The following FGGY variants were observed in gnomAD, a reference collection of about 807,000 sequenced individuals.
The protein encoded by FGGY is FGGY carbohydrate kinase domain containing.
Under a neutral mutation model 71.3 loss-of-function variants are expected in FGGY, and 72 were observed. The observed-to-expected ratio is 1.01, with a 90% confidence interval of 0.84 to 1.23. The LOEUF (loss-of-function observed/expected upper bound fraction) is 1.23. FGGY is among the 50% of genes most tolerant of loss of function. The pLI is 0.00. For missense variants in FGGY, 668 were observed against 682.3 expected (o/e 0.98, Z 0.23); for synonymous variants, 251 against 250.3 (o/e 1.00, Z -0.02).
intron 5 of FGGY, among the ~76,000 whole-genome samples, chr1:59,394,580 A>G (rs1006468783): frequency 1.3e-5 from 2 of 152,166 alleles, no homozygotes; most frequent in Non-Finnish European, 2.9e-5. Context: ...AGGACTCAAC[A>G]TTAGCTATTC....
Position 59,592,439 on chromosome 1 carries a change from A to T in FGGY, c.904-15364A>T, listed in dbSNP as rs1273032348. On this transcript the variant is annotated intron_variant, in intron 8 of 15. Transcript: ENST00000303721. ...ACCCAGCCATCCCATTACTGGGTATATACCCAAAGGACTATAAATCATGCT... is the reference window on the plus strand; with the variant it reads ...ACCCAGCCATCCCATTACTGGGTATTTACCCAAAGGACTATAAATCATGCT... Among the ~76,000 whole-genome samples the T allele has an allele frequency of 2.6e-5, 4 of 152,312 alleles. No homozygotes were observed. In the East Asian group the frequency reaches 7.7e-4, roughly 29 times the overall value.
intron 7 of FGGY, among the ~76,000 whole-genome samples, chr1:59,536,864 T>C (rs949803252): frequency 1.3e-5 from 2 of 152,092 alleles, no homozygotes; most frequent in Non-Finnish European, 2.9e-5. Flanking sequence ...ATAAGAGCTA[T>C]TTATGACAAA....
chr1:59,321,056 A>G (rs1303098882), intron 1 of FGGY, among the ~76,000 whole-genome samples: 2 of 152,228 alleles, frequency 1.3e-5, no homozygotes, highest in African/African-American at 2.4e-5. Context: ...AGTAAAGGGG[A>G]CATAAGCACT....
At chr1:59,715,484 C>G (rs748822499) in intron 14 of FGGY, among the ~76,000 whole-genome samples, 13 of 152,198 alleles carry the variant, frequency 8.5e-5, no homozygotes, top group Non-Finnish European at 8.8e-5. Context: ...CTTGGTTCCC[C>G]TTGGGTCAAT....
At chr1:59,463,657 A>G (rs1397292739) in intron 6 of FGGY, among the ~76,000 whole-genome samples, 4 of 148,174 alleles carry the variant, frequency 2.7e-5, no homozygotes, top group African/African-American at 7.5e-5. Context: ...AAATAAAGGG[A>G]TGGAGGAAGA....
intron 9 of FGGY, among the ~76,000 whole-genome samples, chr1:59,611,341 C>T (rs1558538033): frequency 6.6e-6 from 1 of 152,284 alleles, no homozygotes; most frequent in East Asian, 1.9e-4. Context: ...CAGGCAGCAA[C>T]ATTTCTGCAA....
chr1:59,526,542 G>A (rs66500198), intron 7 of FGGY, among the ~76,000 whole-genome samples: 7,904 of 152,242 alleles, frequency 0.052, 302 homozygotes, highest in African/African-American at 0.1. Flanking sequence ...GCTTTTCCAG[G>A]CGGTGTAAAA....
chr1:59,605,166 T>A (rs2096612178), intron 8 of FGGY, among the ~76,000 whole-genome samples: 1 of 152,232 alleles, frequency 6.6e-6, no homozygotes, highest in Non-Finnish European at 1.5e-5. Context: ...CTAGACTGAA[T>A]TAGGTACCTC....
intron 5 of FGGY, among the ~76,000 whole-genome samples, chr1:59,384,223 T>G (rs2153358293): frequency 6.6e-6 from 1 of 152,088 alleles, no homozygotes; most frequent in African/African-American, 2.4e-5. Flanking sequence ...ATCATCCCGT[T>G]CCCCCACCCA....
chr1:59,724,836 T>C (rs1174195290), intron 14 of FGGY, among the ~76,000 whole-genome samples: 1 of 152,226 alleles, frequency 6.6e-6, no homozygotes, highest in Non-Finnish European at 1.5e-5. Flanking sequence ...GCTTGTTTAC[T>C]TATTGTTGAA....
At chr1:59,656,874 G>C (rs1381092714) in intron 11 of FGGY, among the ~76,000 whole-genome samples, 1 of 152,134 alleles carries the variant, frequency 6.6e-6, no homozygotes, top group Non-Finnish European at 1.5e-5. Flanking sequence ...AGCAAGCTCA[G>C]GATTTAAATT....
chr1:59,492,755 C>T (rs938769777), intron 6 of FGGY, among the ~76,000 whole-genome samples: 4 of 152,086 alleles, frequency 2.6e-5, no homozygotes, highest in Non-Finnish European at 5.9e-5. Flanking sequence ...CAAGTCAGTA[C>T]TGAGTCTGCC....
intron 6 of FGGY, among the ~76,000 whole-genome samples, chr1:59,480,623 A>T (rs559619284): frequency 6.6e-6 from 1 of 152,306 alleles, no homozygotes; most frequent in Non-Finnish European, 1.5e-5. Context: ...GAGGAGGGGC[A>T]CTAGGTAAGC....
In FGGY at chr1:59,736,779, G is replaced by A. The variant is rs186334726; in HGVS notation, c.1513-21152G>A. 6.6e-5 allele frequency among the ~76,000 whole-genome samples: 10 copies of A among 152,308 alleles called. No homozygotes were observed. The East Asian group carries it at 1.5e-3, about 23-fold the overall frequency. On this transcript the variant is annotated intron_variant, in intron 14 of 15. Transcript: ENST00000303721. ...ACAATGCAATAGAAAAGAAAACCTCGTTTTCTGAGGAGGAAGTCAAGCCAG... is the reference window on the plus strand; with the variant it reads ...ACAATGCAATAGAAAAGAAAACCTCATTTTCTGAGGAGGAAGTCAAGCCAG...
intron 12 of FGGY, among the ~76,000 whole-genome samples, chr1:59,661,691 GTGTTTTGTTTT>G (rs1290647852): frequency 6.9e-6 from 1 of 144,802 alleles, no homozygotes; most frequent in East Asian, 2.1e-4. Flanking sequence ...AATTAAGAGG[GTGTTTTGTTTT>G]TGTTTTTGTT....
At chr1:59,586,325 C>A (rs1383498874) in intron 8 of FGGY, among the ~76,000 whole-genome samples, 2 of 152,150 alleles carry the variant, frequency 1.3e-5, no homozygotes, top group Non-Finnish European at 2.9e-5. Flanking sequence ...GAATACTATG[C>A]AGCCATAAAA....
intron 8 of FGGY, among the ~76,000 whole-genome samples, chr1:59,593,244 T>A (rs980844434): frequency 3.3e-5 from 5 of 152,226 alleles, no homozygotes; most frequent in African/African-American, 1.2e-4. Flanking sequence ...GAATGCATCC[T>A]TGAGAGGGTC....
chr1:59,691,292 G>C (rs2097584393), intron 14 of FGGY, among the ~76,000 whole-genome samples: 1 of 152,186 alleles, frequency 6.6e-6, no homozygotes, highest in Admixed American at 6.5e-5. Flanking sequence ...AGCCTACCTT[G>C]AGAAAAGCAG....
Position 59,544,006 on chromosome 1 carries a change from C to G in FGGY, c.800-10118C>G, listed in dbSNP as rs544305789. On this transcript the variant is annotated intron_variant, in intron 7 of 15. Transcript: ENST00000303721. ...CAAGTACAAGGCTCTTGCCTTATAC[C>G]TAGGATGAGCAACTATTCCAGTTTG... Among the ~76,000 whole-genome samples, 20 of 152,312 alleles carry G rather than the reference C, an allele frequency of 1.3e-4. No homozygotes were observed. The South Asian group carries it at 1.7e-3, about 13-fold the overall frequency.
Sources: allele counts gnomAD v4.1 joint callset (sites outside exome capture counted in the v4.1 genomes callset), GRCh38; gene constraint gnomAD v4.1.1; transcripts MANE v1.5; gene names NCBI Gene and HGNC (gene_info 2026-07-23, HGNC 2026-07-21).